Variants in RIMS2 observed in about 807,000 individuals in gnomAD.
RIMS2 encodes the protein regulating synaptic membrane exocytosis 2.
In RIMS2, 59 loss-of-function variants were observed where a neutral mutation model predicts 174.4. The observed-to-expected ratio is 0.34, with a 90% confidence interval of 0.27 to 0.42. The LOEUF (loss-of-function observed/expected upper bound fraction) is 0.42, where lower values mean the gene tolerates loss of function less well. Among genes scored for constraint, RIMS2 ranks in the 10% least tolerant of loss-of-function variants. RIMS2 has a pLI of 1.00. For missense variants in RIMS2, 1,620 were observed against 1,666.3 expected, an observed-to-expected ratio of 0.97 and a Z score of 0.48; for synonymous variants, 606 against 572.5, an observed-to-expected ratio of 1.06 and a Z score of -0.84.
At chr8:103,778,443 A>G (rs569977657) in intron 3 of RIMS2, among the ~76,000 whole-genome samples, 17 of 152,142 alleles carry the variant, frequency 1.1e-4, no homozygotes, top group East Asian at 3.9e-4. Flanking sequence ...GTAACCATCA[A>G]TCTACTTTCT....
intron 19 of RIMS2, among the ~76,000 whole-genome samples, chr8:104,078,961 A>G (rs2097353681): frequency 6.6e-6 from 1 of 152,184 alleles, no homozygotes; most frequent in Admixed American, 6.5e-5. Flanking sequence ...GCTGATATTC[A>G]AGCATGGGTC....
intron 1 of RIMS2, among the ~76,000 whole-genome samples, chr8:103,663,840 AAG>A (rs1305095748): frequency 1.3e-5 from 2 of 152,358 alleles, no homozygotes; most frequent in African/African-American, 2.4e-5. Flanking sequence ...GTCCTAAGCA[AAG>A]AGAGCAAAGC....
chr8:103,540,578 G>C (rs953643526), intron 1 of RIMS2, among the ~76,000 whole-genome samples: 6 of 152,198 alleles, frequency 3.9e-5, no homozygotes, highest in Non-Finnish European at 8.8e-5. Context: ...CAGATGTGCA[G>C]CCATCAACAT....
chr8:103,849,403 A>G (rs1313788889), intron 3 of RIMS2, among the ~76,000 whole-genome samples: 1 of 152,068 alleles, frequency 6.6e-6, no homozygotes, highest in African/African-American at 2.4e-5. Context: ...TAAGGAGGTG[A>G]TGGAAGCAAG....
chr8:104,208,524 A>G (rs2099091133), intron 19 of RIMS2, among the ~76,000 whole-genome samples: 1 of 151,820 alleles, frequency 6.6e-6, no homozygotes, highest in Admixed American at 6.6e-5. Context: ...TCCGAGATCG[A>G]GCCACTGCAC....
intron 1 of RIMS2, among the ~76,000 whole-genome samples, chr8:103,624,639 A>T (rs2095734308): frequency 6.6e-6 from 1 of 152,172 alleles, no homozygotes; most frequent in African/African-American, 2.4e-5. Context: ...TTAATAGTGG[A>T]TATCATTTGC....
chr8:103,885,206 C>T, intron 3 of RIMS2, 92 bp from the exon 7 acceptor site: 1 of 1,442,572 alleles, frequency 6.9e-7, no homozygotes, highest in Non-Finnish European at 9.1e-7. Context: ...AAAAGGACTA[C>T]TTAGTTATCC....
chr8:104,097,268 T>A (rs2097779117), intron 19 of RIMS2, among the ~76,000 whole-genome samples: 1 of 152,188 alleles, frequency 6.6e-6, no homozygotes, highest in African/African-American at 2.4e-5. Context: ...CATTTATGTT[T>A]TATAGACACC....
intron 19 of RIMS2, among the ~76,000 whole-genome samples, chr8:104,208,636 A>G (rs1249230419): frequency 6.6e-6 from 1 of 152,170 alleles, no homozygotes; most frequent in Admixed American, 6.6e-5. Context: ...AACAAGAGAA[A>G]CCACAATGGA....
At chr8:104,110,599 A>G (rs987497649) in intron 19 of RIMS2, among the ~76,000 whole-genome samples, 1 of 152,188 alleles carries the variant, frequency 6.6e-6, no homozygotes, top group African/African-American at 2.4e-5. Context: ...TATTCCAGCT[A>G]TGTGAATCTG....
rs1201224406 is a variant in RIMS2, at chr8:104,142,408, C to CT, written c.3335-102508_3335-102507insT. Among the ~76,000 whole-genome samples the CT allele has an allele frequency of 3.9e-5, 6 of 152,164 alleles. No individual in the cohort carries two copies. In the South Asian group the frequency reaches 8.3e-4, roughly 21 times the overall value. On this transcript the variant is annotated intron_variant, in intron 19 of 23. Coordinates refer to ENST00000504942, the Ensembl canonical transcript of RIMS2. ...CCTCCCAAAGTGCTGGGATTACAGA[C>CT]GTGAGCCACTGCACCTGGCCCAAAG...
chr8:104,067,887 AT>A (rs890660325), intron 19 of RIMS2, among the ~76,000 whole-genome samples: 1 of 151,786 alleles, frequency 6.6e-6, no homozygotes, highest in Non-Finnish European at 1.5e-5. Flanking sequence ...CTATATTCTA[AT>A]TTTTTTTATA....
intron 19 of RIMS2, among the ~76,000 whole-genome samples, chr8:104,045,461 G>A (rs180918660): frequency 6.6e-6 from 1 of 151,784 alleles, no homozygotes; most frequent in East Asian, 1.9e-4. Context: ...TGTTAAACAA[G>A]TCTAATACAA....
chr8:103,855,761 G>C (rs2099024126), intron 3 of RIMS2, among the ~76,000 whole-genome samples: 1 of 152,094 alleles, frequency 6.6e-6, no homozygotes, highest in Non-Finnish European at 1.5e-5. Flanking sequence ...ATTAAGACAT[G>C]CTTTATGACT....
intron 19 of RIMS2, among the ~76,000 whole-genome samples, chr8:104,241,176 A>G (rs1466033362): frequency 6.6e-6 from 1 of 152,132 alleles, no homozygotes; most frequent in East Asian, 1.9e-4. Flanking sequence ...ATCTCCATAG[A>G]CAGCTGCACA....
intron 3 of RIMS2, among the ~76,000 whole-genome samples, chr8:103,812,225 G>GTGTGCT (rs1278214496): frequency 3.3e-5 from 5 of 151,494 alleles, no homozygotes; most frequent in Non-Finnish European, 5.9e-5. Context: ...TAGATTTGTA[G>GTGTGCT]TGTGCTTATT....
chr8:103,507,253 C>G (rs1040163836), intron 1 of RIMS2, among the ~76,000 whole-genome samples: 10 of 152,020 alleles, frequency 6.6e-5, no homozygotes, highest in African/African-American at 2.2e-4. Context: ...TATGTAGATT[C>G]TCTCCATTAT....
At chr8:103,559,593 A>G (rs2091252144) in intron 1 of RIMS2, among the ~76,000 whole-genome samples, 1 of 152,194 alleles carries the variant, frequency 6.6e-6, no homozygotes, top group South Asian at 2.1e-4. Flanking sequence ...TCTTTTCCTA[A>G]TGACACTGTC....
At chr8:103,567,879 G>A (rs1042106611) in intron 1 of RIMS2, among the ~76,000 whole-genome samples, 1 of 152,178 alleles carries the variant, frequency 6.6e-6, no homozygotes, top group African/African-American at 2.4e-5. Flanking sequence ...GTATCCCACT[G>A]TGGGTTTGCC....
Sources: gnomAD v4.1 joint callset for allele counts (sites outside exome capture counted in the v4.1 genomes callset) on GRCh38, gnomAD v4.1.1 for gene constraint, MANE v1.5 for transcripts, NCBI Gene and HGNC (gene_info 2026-07-23, HGNC 2026-07-21) for gene names.